The following ST7 variants were observed in gnomAD, a reference collection of about 807,000 sequenced individuals.
ST7 encodes suppressor of tumorigenicity 7 protein.
ST7 carries 28 observed loss-of-function variants against 78.7 expected under a neutral mutation model. The ratio of observed to expected loss-of-function variants is 0.36; its 90% CI spans 0.26 to 0.49. ST7 has a LOEUF of 0.49. ST7 is among the 20% of genes least tolerant of loss of function. The pLI, the probability that ST7 is intolerant of heterozygous loss-of-function variation, is 0.99. For missense variants in ST7, 418 were observed against 696.0 expected, an observed-to-expected ratio of 0.60 and a Z score of 4.49; for synonymous variants, 247 against 249.6, an observed-to-expected ratio of 0.99 and a Z score of 0.10.
chr7:117,164,849 T>C (rs1273358473), intron 9 of ST7, among the ~76,000 whole-genome samples: 1 of 13,604 alleles, frequency 7.4e-5, no homozygotes, highest in South Asian at 2.2e-3. Flanking sequence ...TATTGTTTTT[T>C]GGTGGGGCGG....
At chr7:117,098,847 A>G (rs1247730737) in intron 1 of ST7, 2 of 1,295,874 alleles carry the variant, frequency 1.5e-6, no homozygotes, top group East Asian at 5.6e-5. Context: ...TAATAATAAA[A>G]GTTTTGTGTA....
intron 1 of ST7, chr7:117,014,962 G>A (rs2115956466): frequency 2.2e-6 from 3 of 1,350,996 alleles, no homozygotes; most frequent in African/African-American, 1.5e-5. Context: ...TGATAGAGTT[G>A]TACTTGGAAA....
chr7:117,034,331 T>C (rs990848403), intron 1 of ST7, among the ~76,000 whole-genome samples: 2 of 152,204 alleles, frequency 1.3e-5, no homozygotes, highest in African/African-American at 2.4e-5. Context: ...ATATTAGTCA[T>C]TTATGTTATT....
chr7:117,149,918 A>G (rs180953743), intron 9 of ST7, among the ~76,000 whole-genome samples: 31 of 152,182 alleles, frequency 2.0e-4, no homozygotes, highest in Admixed American at 1.6e-3. Context: ...ACTGCCCTCA[A>G]ATGTCAGTAC....
intron 3 of ST7, among the ~76,000 whole-genome samples, chr7:117,129,182 A>G (rs999586021): frequency 2.0e-5 from 3 of 151,896 alleles, no homozygotes; most frequent in Admixed American, 2.0e-4. Context: ...TGATTAGTAT[A>G]TGTATCTGTG....
intron 10 of ST7, among the ~76,000 whole-genome samples, chr7:117,178,213 T>C (rs1734947847): frequency 6.6e-6 from 1 of 152,200 alleles, no homozygotes; most frequent in Non-Finnish European, 1.5e-5. Context: ...TCAGCAAGGA[T>C]CTGTTGAGTC....
intron 1 of ST7, chr7:116,966,045 C>T (rs1562981508): frequency 2.2e-6 from 1 of 455,114 alleles, no homozygotes; most frequent in Non-Finnish European, 4.5e-6. Flanking sequence ...TCATACCCAA[C>T]TAACTTTCTA....
At chr7:117,104,871 C>T (rs1004879850) in intron 2 of ST7, among the ~76,000 whole-genome samples, 6 of 152,082 alleles carry the variant, frequency 3.9e-5, no homozygotes, top group African/African-American at 9.7e-5. Flanking sequence ...GTATTATTAA[C>T]GTGCACAGGA....
At chr7:117,016,391 T>A (rs769436686) in intron 1 of ST7, among the ~76,000 whole-genome samples, 4 of 152,216 alleles carry the variant, frequency 2.6e-5, no homozygotes, top group Admixed American at 6.5e-5. Context: ...AGAGCTTTAC[T>A]ATGAGTATGC....
intron 10 of ST7, among the ~76,000 whole-genome samples, chr7:117,182,395 T>A (rs1474534614): frequency 6.6e-6 from 1 of 152,220 alleles, no homozygotes; most frequent in Non-Finnish European, 1.5e-5. Context: ...GCATGGTAGC[T>A]TGAATCAGAA....
At chr7:116,984,608 G>T (rs1009265150) in intron 1 of ST7, among the ~76,000 whole-genome samples, 1 of 152,170 alleles carries the variant, frequency 6.6e-6, no homozygotes, top group Non-Finnish European at 1.5e-5. Context: ...TATGACTTAG[G>T]ATACATTATT....
chr7:117,181,849 G>A (rs1563147245), intron 10 of ST7, among the ~76,000 whole-genome samples: 1 of 152,170 alleles, frequency 6.6e-6, no homozygotes, highest in Non-Finnish European at 1.5e-5. Context: ...TCTTATTAGT[G>A]TAAATGGCCC....
chr7:117,222,847 T>C (rs1443794638), intron 15 of ST7: 1 of 1,607,306 alleles, frequency 6.2e-7, no homozygotes, highest in African/African-American at 1.3e-5. Context: ...TGGGTTGATT[T>C]AATCCCTTTC....
At chr7:116,994,535 G>A (rs542583079) in intron 1 of ST7, among the ~76,000 whole-genome samples, 1 of 152,184 alleles carries the variant, frequency 6.6e-6, no homozygotes, top group African/African-American at 2.4e-5. Flanking sequence ...ATAAATCTTT[G>A]GGGAAAGAAA....
Position 116,980,752 on chromosome 7 carries a change from C to G in ST7, c.151+27061C>G, listed in dbSNP as rs4427106. Among the ~76,000 whole-genome samples the G allele has an allele frequency of 5.4e-3, 824 of 152,282 alleles. 5 individuals are homozygous for G. The highest frequency in any genetic ancestry group is 0.018 in the African/African-American group (754 of 41,564). On this transcript the variant is annotated intron_variant, in intron 1 of 15. Coordinates refer to ENST00000323984, the MANE Select transcript of ST7 (RefSeq NM_001369598.1). The stretch of plus-strand genomic sequence containing the variant: ...ATTAGATGCTGATGTGGTACTTTAT[C>G]ACTTTGAAATACTTTAGTGTATATT...
chr7:117,157,604 A>G (rs1304084614), intron 9 of ST7, among the ~76,000 whole-genome samples: 1 of 152,190 alleles, frequency 6.6e-6, no homozygotes, highest in Non-Finnish European at 1.5e-5. Context: ...ATATGCATTA[A>G]TCTACTGAAT....
chr7:117,158,272 GTT>G (rs765915056), intron 9 of ST7, among the ~76,000 whole-genome samples: 4 of 152,172 alleles, frequency 2.6e-5, no homozygotes, highest in Non-Finnish European at 4.4e-5. Context: ...GGAAAAGGAA[GTT>G]TTACACTGAA....
At chr7:117,024,769 G>A (rs1584472573) in intron 1 of ST7, among the ~76,000 whole-genome samples, 1 of 152,144 alleles carries the variant, frequency 6.6e-6, no homozygotes, top group Admixed American at 6.5e-5. Flanking sequence ...TAGCTCTGGT[G>A]TGGCTGGTCC....
chr7:117,145,081 T>C (rs534213243), intron 9 of ST7, among the ~76,000 whole-genome samples: 10 of 152,112 alleles, frequency 6.6e-5, no homozygotes, highest in African/African-American at 2.4e-4. Context: ...ACGCCTGTGG[T>C]CCGTGGTCCC....
Sources: allele counts gnomAD v4.1 joint callset (sites outside exome capture counted in the v4.1 genomes callset), GRCh38; gene constraint gnomAD v4.1.1; transcripts MANE v1.5; gene names NCBI Gene and HGNC (gene_info 2026-07-23, HGNC 2026-07-21).